Variants in CALN1 observed in about 807,000 individuals in gnomAD.
CALN1 encodes the protein calcium-binding protein 8.
CALN1 carries 17 observed loss-of-function variants against 30.6 expected under a neutral mutation model. The observed-to-expected ratio is 0.56, with a 90% CI of 0.38 to 0.83. The LOEUF is 0.83. Among genes scored for constraint, CALN1 ranks in the 40% least tolerant of loss-of-function variants. The pLI is 0.00. For synonymous variants in CALN1, 156 were observed against 131.4 expected (o/e 1.19, Z -1.28); for missense variants, 291 against 354.9 (o/e 0.82, Z 1.45).
At chr7:72,426,098 T>G (rs780207482) in intron 1 of CALN1, among the ~76,000 whole-genome samples, 1 of 152,220 alleles carries the variant, frequency 6.6e-6, no homozygotes, top group Non-Finnish European at 1.5e-5. Context: ...TGCCATTGTC[T>G]TCCGGAAAGT....
At chr7:71,830,446 C>T (rs1789202920) in intron 5 of CALN1, among the ~76,000 whole-genome samples, 1 of 152,132 alleles carries the variant, frequency 6.6e-6, no homozygotes, top group Admixed American at 6.6e-5. Flanking sequence ...CGCCCAGGTT[C>T]AAGCAATTTT....
rs915119697 is a variant in CALN1 at position 72,392,527 on chromosome 7, A to C, written c.119+10724T>G. On this transcript the variant is annotated intron_variant, in intron 2 of 6. Transcript: ENST00000395275. Reference sequence around the variant, plus strand: ...ACTGAAGGTCAACTTGTGTCTCTCCAGTTCCCTTTGCACTGTGATGAGTAG... The same window carrying C: ...ACTGAAGGTCAACTTGTGTCTCTCCCGTTCCCTTTGCACTGTGATGAGTAG... Among the ~76,000 whole-genome samples the C allele has an allele frequency of 5.3e-5, 8 of 152,282 alleles. No individual in the cohort carries two copies. The East Asian group carries it at 1.5e-3, about 29-fold the overall frequency.
intron 4 of CALN1, among the ~76,000 whole-genome samples, chr7:72,078,287 A>C (rs1181807249): frequency 6.6e-6 from 1 of 152,030 alleles, no homozygotes; most frequent in Non-Finnish European, 1.5e-5. Context: ...AATGAGGATT[A>C]ACCAAAAACA....
intron 3 of CALN1, among the ~76,000 whole-genome samples, chr7:72,198,260 T>C (rs1156729594): frequency 6.6e-6 from 1 of 152,208 alleles, no homozygotes; most frequent in Non-Finnish European, 1.5e-5. Context: ...GCAAGGCTTT[T>C]TACTTTGGCA....
At chr7:72,449,873 T>TAA (rs1808625761), upstream of CALN1, among the ~76,000 whole-genome samples, 2 of 16,870 alleles carry the variant, frequency 1.2e-4, no homozygotes, top group Non-Finnish European at 3.0e-4. Context: ...AGACTCCGTC[T>TAA]CAAAAAAAAA....
intron 1 of CALN1, among the ~76,000 whole-genome samples, chr7:72,409,737 T>C (rs534797327): frequency 1.3e-5 from 2 of 152,098 alleles, no homozygotes; most frequent in East Asian, 2.0e-4. Flanking sequence ...AAATGGTTTT[T>C]AGCCTCTGGG....
intron 5 of CALN1, among the ~76,000 whole-genome samples, chr7:71,834,603 C>A (rs1056554059): frequency 1.3e-5 from 2 of 152,038 alleles, no homozygotes; most frequent in Non-Finnish European, 2.9e-5. Context: ...TGATTTTTTT[C>A]TTAGAAGCCC....
At chr7:71,820,000 C>T (rs1280833386) in intron 5 of CALN1, among the ~76,000 whole-genome samples, 2 of 152,168 alleles carry the variant, frequency 1.3e-5, no homozygotes, top group Non-Finnish European at 2.9e-5. Flanking sequence ...ATTATACCCT[C>T]CTCCCTTTTG....
intron 5 of CALN1, among the ~76,000 whole-genome samples, chr7:71,821,531 C>T (rs1788588020): frequency 6.6e-6 from 1 of 152,104 alleles, no homozygotes; most frequent in Non-Finnish European, 1.5e-5. Flanking sequence ...TCACTACCAC[C>T]AGAACGGTAT....
At chr7:72,073,329 T>G (rs1804526133) in intron 4 of CALN1, among the ~76,000 whole-genome samples, 1 of 152,232 alleles carries the variant, frequency 6.6e-6, no homozygotes, top group Admixed American at 6.5e-5. Context: ...ACAGTAGTGA[T>G]GCTTATTAAA....
In CALN1 at chr7:72,433,532, C is replaced by T. The variant is rs77708257; in HGVS notation, c.-226+13510G>A. Among the ~76,000 whole-genome samples the T allele has an allele frequency of 3.0e-3, 456 of 152,208 alleles. 2 individuals carry two copies. The highest frequency in any genetic ancestry group is 0.011 in the African/African-American group (439 of 41,530). On this transcript the variant is annotated intron_variant, in intron 1 of 6. Transcript: ENST00000395276. ...GCTACCCCATCCTGGGTGCTTGCGG[C>T]TCCTAAGTAGAAATCCATGGAAACC...
At chr7:72,479,888 C>T in the CALN1 span, among the ~76,000 whole-genome samples, 1 of 152,180 alleles carries the variant, frequency 6.6e-6, no homozygotes, top group Non-Finnish European at 1.5e-5. Flanking sequence ...CCTCTCTCCA[C>T]TCAATTGACT....
upstream of CALN1, among the ~76,000 whole-genome samples, chr7:72,449,847 C>T (rs1449496807): frequency 2.3e-5 from 3 of 130,736 alleles, no homozygotes; most frequent in African/African-American, 5.5e-5. Flanking sequence ...TGCACTCCAG[C>T]CTGGGCAACA....
At chr7:72,370,038 C>T (rs1375600391) in intron 2 of CALN1, among the ~76,000 whole-genome samples, 1 of 152,160 alleles carries the variant, frequency 6.6e-6, no homozygotes, top group Non-Finnish European at 1.5e-5. Flanking sequence ...TTTAAAACCA[C>T]CAAACACCGT....
chr7:71,925,086 C>T (rs907430936), intron 5 of CALN1, among the ~76,000 whole-genome samples: 4 of 151,974 alleles, frequency 2.6e-5, no homozygotes. Flanking sequence ...ACTAAAAACA[C>T]AAAAATTAGC....
chr7:72,387,252 GGGA>G (rs1805274010), intron 2 of CALN1, among the ~76,000 whole-genome samples: 1 of 29,286 alleles, frequency 3.4e-5, no homozygotes, highest in Non-Finnish European at 6.8e-5. Context: ...GAGGGAGGGA[GGGA>G]GGAAGGGAGG....
the CALN1 span, among the ~76,000 whole-genome samples, chr7:72,488,352 T>C: frequency 6.6e-6 from 1 of 151,850 alleles, no homozygotes; most frequent in African/African-American, 2.4e-5. Context: ...GCCTGGGCAA[T>C]AGAGCAAGAT....
intron 3 of CALN1, among the ~76,000 whole-genome samples, chr7:72,217,925 C>T (rs1792961955): frequency 7.0e-6 from 1 of 143,114 alleles, no homozygotes; most frequent in Admixed American, 7.3e-5. Context: ...TCACTGCAAG[C>T]TCCACCTCCC....
chr7:72,014,908 C>T (rs534544599), intron 5 of CALN1, among the ~76,000 whole-genome samples: 7 of 152,176 alleles, frequency 4.6e-5, no homozygotes, highest in South Asian at 2.1e-4. Flanking sequence ...AGCGATCCTC[C>T]GCCTCAGCCT....
Sources: allele counts gnomAD v4.1 joint callset (sites outside exome capture counted in the v4.1 genomes callset), GRCh38; gene constraint gnomAD v4.1.1; transcripts MANE v1.5; gene names NCBI Gene and HGNC (gene_info 2026-07-23, HGNC 2026-07-21).